NRG2: variants seen among roughly 807,000 people sequenced by gnomAD.
NRG2 encodes the protein neuregulin 2.
NRG2 carries 27 observed loss-of-function variants against 73.9 expected under a neutral mutation model. The observed-to-expected ratio is 0.37, with a 90% CI of 0.27 to 0.50. The LOEUF is 0.50. Ranked by LOEUF, NRG2 falls within the 20% of genes least tolerant of loss-of-function variation. The pLI is 0.96. For synonymous variants in NRG2, 532 were observed against 541.0 expected, an observed-to-expected ratio of 0.98 and a Z score of 0.23; for missense variants, 1,126 against 1,210.1, an observed-to-expected ratio of 0.93 and a Z score of 1.03.
rs371357504 is a variant in NRG2, at chr5:139,879,292, G to A, written c.991+1564C>T. ...TTCAGCAATAGCATGAGAGTTGAAG[G>A]CTAATCAAAGGCTAGAATTCAAGAG... is the stretch of plus-strand genomic sequence containing the variant. On this transcript the variant is annotated intron_variant, in intron 3 of 9. Coordinates refer to ENST00000361474, the MANE Select transcript of NRG2 (RefSeq NM_004883.3). Among the ~76,000 whole-genome samples, 4 of 152,224 alleles carry A rather than the reference G, an allele frequency of 2.6e-5. No individual in the cohort carries two copies. The East Asian group carries it at 7.7e-4, about 29-fold the overall frequency.
At position 139,852,228 on chromosome 5, in the gene NRG2, C is replaced by T. The variant is rs927738508; in HGVS notation, c.1544+204G>A. On this transcript the variant is annotated intron_variant, in intron 8 of 9. Transcript: ENST00000361474. The surrounding 1 kb of genome is among the most constrained non-coding windows in gnomAD (Gnocchi z 4.4). ...GCTCCCGAGGGAAGAAGGGAGCCAG[C>T]CATGTTATTTTTGAGTTGTCTGAGC... Among the ~76,000 whole-genome samples the T allele has an allele frequency of 1.3e-5, 2 of 152,194 alleles. No individual in the cohort carries two copies. The highest frequency in any genetic ancestry group is 4.8e-5 in the African/African-American group (2 of 41,450).
chr5:139,858,154 C>T (rs779871291), intron 5 of NRG2, among the ~76,000 whole-genome samples: 7 of 152,328 alleles, frequency 4.6e-5, no homozygotes, highest in Non-Finnish European at 1.0e-4. Flanking sequence ...CTGAGGCCCC[C>T]GGCTGCTTGG....
intron 1 of NRG2, among the ~76,000 whole-genome samples, chr5:139,979,553 T>C (rs1756635193): frequency 6.6e-6 from 1 of 152,198 alleles, no homozygotes. Context: ...ACACATAGAA[T>C]GTGGGGAATG....
intron 1 of NRG2, among the ~76,000 whole-genome samples, chr5:139,993,125 G>A (rs1258850200): frequency 6.6e-6 from 1 of 151,910 alleles, no homozygotes; most frequent in East Asian, 1.9e-4. Context: ...TGTGTGTGTG[G>A]TGGGGAGGGG....
chr5:139,900,333 AATT>A (rs1764795083), intron 1 of NRG2, among the ~76,000 whole-genome samples: 1 of 152,228 alleles, frequency 6.6e-6, no homozygotes, highest in Non-Finnish European at 1.5e-5. Context: ...ATGCCTGCAG[AATT>A]GAATACACAA....
intron 1 of NRG2, among the ~76,000 whole-genome samples, chr5:139,984,479 A>T (rs1325534169): frequency 6.6e-6 from 1 of 152,218 alleles, no homozygotes; most frequent in Non-Finnish European, 1.5e-5. Context: ...CCGAGACTTT[A>T]TTGTTCCAAT....
chr5:139,967,231 T>C (rs562457514), intron 1 of NRG2, among the ~76,000 whole-genome samples: 1 of 152,142 alleles, frequency 6.6e-6, no homozygotes, highest in Non-Finnish European at 1.5e-5. Flanking sequence ...GCCTAGATTA[T>C]AAGGACCTTC....
At position 139,989,750 on chromosome 5, in the gene NRG2, G is replaced by C. The variant is rs1011953066; in HGVS notation, c.700+52620C>G. Among the ~76,000 whole-genome samples, 4 of 138,476 alleles carry C rather than the reference G, an allele frequency of 2.9e-5. No individual in the cohort carries two copies. In the East Asian group the frequency reaches 8.4e-4, roughly 29 times the overall value. The allele number at this position is 138,476 out of a possible 152,430, so 90.8% of individuals were successfully genotyped here. A position where few individuals can be genotyped will look rare whatever the true frequency, so the allele number is the denominator to read the frequency against. Reference sequence around the variant, plus strand: ...TGTTGATGGGCATTGAAGATTTTTTGCTAGGTTTTTATTATTATTATTATT... The same window carrying C: ...TGTTGATGGGCATTGAAGATTTTTTCCTAGGTTTTTATTATTATTATTATT... On this transcript the variant is annotated intron_variant, in intron 1 of 9. Transcript: ENST00000361474.
chr5:140,020,416 C>T (rs1278662931), intron 1 of NRG2, among the ~76,000 whole-genome samples: 3 of 152,286 alleles, frequency 2.0e-5, no homozygotes, highest in South Asian at 2.1e-4. Flanking sequence ...ACTTCTAACA[C>T]CTCAAAGCCC....
Position 139,925,327 on chromosome 5 carries a change from G to T in NRG2, c.701-37816C>A, listed in dbSNP as rs537714664. ...CTCTGCTGTCTTCCGCTGCTCCTCA[G>T]CTTCGTCAGTGTTTACTGGACACTC... On this transcript the variant is annotated intron_variant, in intron 1 of 9. Coordinates refer to ENST00000361474, the MANE Select transcript of NRG2 (RefSeq NM_004883.3). 7.2e-5 allele frequency among the ~76,000 whole-genome samples: 11 copies of T among 152,290 alleles called. No homozygotes were observed. In the South Asian group the frequency reaches 2.3e-3, roughly 32 times the overall value.
chr5:139,906,234 C>T (rs1765216160), intron 1 of NRG2, among the ~76,000 whole-genome samples: 1 of 152,122 alleles, frequency 6.6e-6, no homozygotes, highest in African/African-American at 2.4e-5. Context: ...TCTCGAACTC[C>T]TGACCTCCTG....
At chr5:139,936,536 C>T (rs1039413196) in intron 1 of NRG2, among the ~76,000 whole-genome samples, 3 of 152,058 alleles carry the variant, frequency 2.0e-5, no homozygotes, top group South Asian at 4.2e-4. Flanking sequence ...GTCAAAACTC[C>T]GGGCCCAGAA....
chr5:139,867,338 T>A (rs1762527765), intron 4 of NRG2, among the ~76,000 whole-genome samples: 1 of 151,548 alleles, frequency 6.6e-6, no homozygotes, highest in Non-Finnish European at 1.5e-5. Context: ...CCTGGCTAAT[T>A]GGGGGGTGGT....
chr5:139,977,644 T>C (rs1756473384), intron 1 of NRG2, among the ~76,000 whole-genome samples: 1 of 152,220 alleles, frequency 6.6e-6, no homozygotes, highest in Admixed American at 6.5e-5. Flanking sequence ...AAGTCAATCC[T>C]AAGACAAAAG....
In NRG2 at chr5:139,847,151, TG is replaced by T. The variant is rs573551868; in HGVS notation, c.*765del. 3 of 152,198 alleles carry T rather than the reference TG, an allele frequency of 2.0e-5. No homozygotes were observed. The South Asian group carries it at 6.2e-4, about 32-fold the overall frequency. The allele number at this position is 152,198 out of a possible 1,614,324, so 9.4% of individuals were successfully genotyped here. ...CAGGTGTAAAATAGAAAAGACGACC[TG>T]TAAACGAAGGTGCTGCAGAGGACGG... On this transcript the variant is annotated 3_prime_UTR_variant, in exon 10 of 10. Transcript: ENST00000361474.
intron 1 of NRG2, among the ~76,000 whole-genome samples, chr5:139,985,339 C>CAAA (rs1310701827): frequency 1.2e-5 from 1 of 82,326 alleles, no homozygotes; most frequent in Non-Finnish European, 2.6e-5. Flanking sequence ...GACTCGGTCT[C>CAAA]AAAAAAAAAA....
intron 1 of NRG2, among the ~76,000 whole-genome samples, chr5:139,952,622 G>A (rs371022026): frequency 1.3e-5 from 2 of 152,142 alleles, no homozygotes; most frequent in Admixed American, 6.5e-5. Flanking sequence ...ACATACCTCC[G>A]CAGATGTGTC....
intron 3 of NRG2, among the ~76,000 whole-genome samples, chr5:139,879,615 G>A (rs1371667909): frequency 6.6e-6 from 1 of 152,144 alleles, no homozygotes; most frequent in Non-Finnish European, 1.5e-5. Context: ...TTTAGGCCAG[G>A]GTGTTGAGAA....
chr5:139,875,588 A>G (rs953982145), intron 3 of NRG2, among the ~76,000 whole-genome samples: 1 of 152,218 alleles, frequency 6.6e-6, no homozygotes, highest in Non-Finnish European at 1.5e-5. Flanking sequence ...TCTCCTTTAA[A>G]TGCAAACATT....
Sources: gnomAD v4.1 joint callset for allele counts (sites outside exome capture counted in the v4.1 genomes callset) on GRCh38, gnomAD v4.1.1 for gene constraint, Gnocchi (gnomAD v3.1) non-coding constraint, MANE v1.5 for transcripts, NCBI Gene and HGNC (gene_info 2026-07-23, HGNC 2026-07-21) for gene names.